The following NDUFAF2 variants were observed in gnomAD, a reference collection of about 807,000 sequenced individuals.
NDUFAF2 encodes NADH dehydrogenase [ubiquinone] 1 alpha subcomplex assembly factor 2.
In NDUFAF2, 13 loss-of-function variants were observed where a neutral mutation model predicts 22.8. The observed-to-expected ratio is 0.57, with a 90% CI of 0.37 to 0.91. NDUFAF2 has a LOEUF of 0.91. Among genes scored for constraint, NDUFAF2 ranks in the 40% least tolerant of loss-of-function variants. The probability of loss-of-function intolerance (pLI) is 0.01; values close to 1 mark genes in which losing one functional copy is unlikely to be tolerated. For synonymous variants in NDUFAF2, 53 were observed against 64.2 expected, an observed-to-expected ratio of 0.83 and a Z score of 0.84; for missense variants, 162 against 195.2, an observed-to-expected ratio of 0.83 and a Z score of 1.01.
chr5:61,006,337 T>G (rs543251644), intron 1 of NDUFAF2, among the ~76,000 whole-genome samples: 2 of 152,342 alleles, frequency 1.3e-5, no homozygotes, highest in South Asian at 2.1e-4. Flanking sequence ...CTGTTTTGGT[T>G]ACTGTAGCCT....
chr5:60,964,630 T>G (rs62365458), intron 1 of NDUFAF2, among the ~76,000 whole-genome samples: 1 of 151,688 alleles, frequency 6.6e-6, no homozygotes, highest in East Asian at 2.0e-4. Context: ...TTTATATTCT[T>G]TGGTAGAGAC....
At chr5:61,080,990 G>A (rs1752433576) in intron 2 of NDUFAF2, among the ~76,000 whole-genome samples, 1 of 152,100 alleles carries the variant, frequency 6.6e-6, no homozygotes, top group Admixed American at 6.5e-5. Flanking sequence ...GGGTTCTACA[G>A]TTTTGGGTTT....
chr5:61,143,404 GC>G (rs1741085864), intron 3 of NDUFAF2, among the ~76,000 whole-genome samples: 1 of 151,984 alleles, frequency 6.6e-6, no homozygotes, highest in African/African-American at 2.4e-5. Flanking sequence ...AATTAGTGGA[GC>G]TGTCAAGGTC....
chr5:60,966,877 A>C (rs1312337713), intron 1 of NDUFAF2, among the ~76,000 whole-genome samples: 1 of 152,064 alleles, frequency 6.6e-6, no homozygotes, highest in East Asian at 1.9e-4. Context: ...CTATTTCTGT[A>C]AAAAGTGTTA....
intron 1 of NDUFAF2, among the ~76,000 whole-genome samples, chr5:60,969,802 C>G (rs1750804352): frequency 6.6e-6 from 1 of 152,062 alleles, no homozygotes; most frequent in Admixed American, 6.5e-5. Context: ...CTTTCCAAGA[C>G]CAATGTCCTG....
intron 3 of NDUFAF2, among the ~76,000 whole-genome samples, chr5:61,103,092 G>A (rs149431154): frequency 7.9e-5 from 12 of 152,078 alleles, no homozygotes; most frequent in Non-Finnish European, 1.3e-4. Context: ...TAATTCTCCC[G>A]GCCACCTTGA....
chr5:61,067,207 G>C (rs182786125), intron 1 of NDUFAF2, among the ~76,000 whole-genome samples: 1 of 151,736 alleles, frequency 6.6e-6, no homozygotes, highest in Non-Finnish European at 1.5e-5. Context: ...TGTGCACAAC[G>C]TGCAGGTTTG....
intron 1 of NDUFAF2, among the ~76,000 whole-genome samples, chr5:60,978,469 C>T (rs1750932742): frequency 6.6e-6 from 1 of 152,080 alleles, no homozygotes. Flanking sequence ...TGGCGGAAGG[C>T]AAATGGGAAA....
At chr5:60,999,288 C>T (rs1299473871) in intron 1 of NDUFAF2, among the ~76,000 whole-genome samples, 2 of 151,946 alleles carry the variant, frequency 1.3e-5, no homozygotes, top group East Asian at 3.8e-4. Flanking sequence ...TCACTATTTA[C>T]AATAGCCAAA....
intron 2 of NDUFAF2, among the ~76,000 whole-genome samples, chr5:61,074,294 A>T (rs889900963): frequency 6.6e-6 from 1 of 152,150 alleles, no homozygotes; most frequent in African/African-American, 2.4e-5. Context: ...TCTACTGAAA[A>T]TATAAAAAAT....
intron 1 of NDUFAF2, among the ~76,000 whole-genome samples, chr5:61,020,865 T>A (rs184604519): frequency 6.6e-6 from 1 of 152,194 alleles, no homozygotes; most frequent in African/African-American, 2.4e-5. Context: ...CCAGCTAATT[T>A]TTGTATTTTT....
intron 1 of NDUFAF2, among the ~76,000 whole-genome samples, chr5:61,055,519 A>T (rs941473616): frequency 1.3e-5 from 2 of 152,236 alleles, no homozygotes; most frequent in Non-Finnish European, 2.9e-5. Context: ...AAGGCAGAAT[A>T]AAAAGCCCAA....
chr5:61,034,212 A>C (rs1414898161), intron 1 of NDUFAF2, among the ~76,000 whole-genome samples: 1 of 152,184 alleles, frequency 6.6e-6, no homozygotes, highest in African/African-American at 2.4e-5. Flanking sequence ...ACCTGTTAGC[A>C]ATCTTGATGA....
intron 1 of NDUFAF2, 172 bp downstream of exon 1, chr5:60,945,554 G>T: frequency 1.0e-6 from 1 of 986,390 alleles, no homozygotes; most frequent in Non-Finnish European, 1.5e-6. Context: ...TGGCATCGGA[G>T]CCCTACCCGG....
At chr5:61,100,129 A>G (rs984427807) in intron 3 of NDUFAF2, among the ~76,000 whole-genome samples, 2 of 151,762 alleles carry the variant, frequency 1.3e-5, no homozygotes, top group Non-Finnish European at 2.9e-5. Flanking sequence ...TTTTGGGGGG[A>G]AAAAATAAAA....
At chr5:61,132,678 A>G (rs1312499061) in intron 3 of NDUFAF2, among the ~76,000 whole-genome samples, 2 of 152,028 alleles carry the variant, frequency 1.3e-5, no homozygotes, top group African/African-American at 4.8e-5. Context: ...CTTCCTTCCC[A>G]TAATGTTATT....
At chr5:61,092,852 T>C (rs954245232) in intron 2 of NDUFAF2, among the ~76,000 whole-genome samples, 9 of 152,106 alleles carry the variant, frequency 5.9e-5, no homozygotes, top group African/African-American at 1.7e-4. Flanking sequence ...GATATATGAA[T>C]ATAAGAAGGG....
intron 1 of NDUFAF2, among the ~76,000 whole-genome samples, chr5:61,051,735 C>A (rs1752027183): frequency 6.6e-6 from 1 of 152,122 alleles, no homozygotes; most frequent in African/African-American, 2.4e-5. Flanking sequence ...TCTCTTCCTT[C>A]TTCCAGAAAG....
At chr5:61,083,781 A>G (rs1175343765) in intron 2 of NDUFAF2, among the ~76,000 whole-genome samples, 1 of 151,592 alleles carries the variant, frequency 6.6e-6, no homozygotes, top group Non-Finnish European at 1.5e-5. Context: ...TTTAATTTCA[A>G]ATTATTCATT....
Sources: gnomAD v4.1 joint callset for allele counts (sites outside exome capture counted in the v4.1 genomes callset) on GRCh38, gnomAD v4.1.1 for gene constraint, MANE v1.5 for transcripts, NCBI Gene and HGNC (gene_info 2026-07-23, HGNC 2026-07-21) for gene names.